DCDC1: variants seen among roughly 807,000 people sequenced by gnomAD.
DCDC1 encodes doublecortin domain-containing protein 1.
A neutral mutation model predicts 178.3 loss-of-function variants in DCDC1; 200 were observed. That is an observed-to-expected ratio of 1.12 (90% CI 1.00 to 1.26). The LOEUF is 1.26. Among genes scored for constraint, DCDC1 ranks in the 50% most tolerant of loss-of-function variants. The pLI is 0.00. For synonymous variants in DCDC1, 690 were observed against 604.8 expected (o/e 1.14, Z -2.07); for missense variants, 1,983 against 1,749.2 (o/e 1.13, Z -2.38).
intron 21 of DCDC1, chr11:30,943,632 G>A (rs984565611): frequency 1.3e-5 from 6 of 453,746 alleles, no homozygotes; most frequent in Non-Finnish European, 2.7e-5. Context: ...TTCCCCCATA[G>A]AGTGAGAAAA....
At chr11:31,208,533 G>A (rs570262744) in intron 9 of DCDC1, among the ~76,000 whole-genome samples, 9 of 152,158 alleles carry the variant, frequency 5.9e-5, no homozygotes, top group African/African-American at 9.6e-5. Flanking sequence ...CTCCACATAC[G>A]AGTCAGCATT....
chr11:31,314,108 T>C (rs1050207145), intron 3 of DCDC1, among the ~76,000 whole-genome samples: 3 of 152,228 alleles, frequency 2.0e-5, no homozygotes, highest in Non-Finnish European at 4.4e-5. Flanking sequence ...CCCTGGATGA[T>C]TTGATAGCCA....
intron 9 of DCDC1, among the ~76,000 whole-genome samples, chr11:31,221,648 T>G (rs997507003): frequency 1.3e-5 from 2 of 152,208 alleles, no homozygotes; most frequent in Non-Finnish European, 2.9e-5. Context: ...GTATCTCTGC[T>G]GGCATAACCC....
intron 36 of DCDC1, among the ~76,000 whole-genome samples, chr11:30,884,491 C>T (rs755973637): frequency 9.2e-5 from 14 of 151,948 alleles, no homozygotes; most frequent in Admixed American, 2.0e-4. Flanking sequence ...GAATTTAATA[C>T]GACTTCATTC....
chr11:30,895,274 C>A (rs576827948), intron 34 of DCDC1, among the ~76,000 whole-genome samples: 1 of 151,964 alleles, frequency 6.6e-6, no homozygotes, highest in Non-Finnish European at 1.5e-5. Flanking sequence ...CAAGTTTGGT[C>A]GGGAAGGCAG....
At chr11:30,902,279 T>G (rs937699282) in intron 32 of DCDC1, among the ~76,000 whole-genome samples, 1 of 151,678 alleles carries the variant, frequency 6.6e-6, no homozygotes, top group Non-Finnish European at 1.5e-5. Flanking sequence ...CCTTTGCCCT[T>G]TCTGTTTTCC....
At chr11:31,093,476 T>G (rs1254388282) in intron 16 of DCDC1, among the ~76,000 whole-genome samples, 1 of 152,180 alleles carries the variant, frequency 6.6e-6, no homozygotes, top group African/African-American at 2.4e-5. Context: ...CAAAATGTAC[T>G]GCAGTAGTAA....
intron 17 of DCDC1, among the ~76,000 whole-genome samples, chr11:31,088,427 A>C (rs1340697765): frequency 6.6e-6 from 1 of 151,170 alleles, no homozygotes; most frequent in East Asian, 1.9e-4. Context: ...TTAATATTTC[A>C]TTTTATTTAC....
intron 17 of DCDC1, among the ~76,000 whole-genome samples, chr11:31,088,138 C>A (rs1202042320): frequency 6.6e-6 from 1 of 151,860 alleles, no homozygotes; most frequent in East Asian, 1.9e-4. Context: ...TTCTTACTTT[C>A]TTTGTATTAA....
intron 20 of DCDC1, among the ~76,000 whole-genome samples, chr11:31,052,391 A>G (rs981658314): frequency 3.9e-5 from 6 of 152,158 alleles, no homozygotes; most frequent in African/African-American, 1.4e-4. Context: ...ATAGACCACA[A>G]CACAATAATA....
chr11:31,315,653 T>G (rs1404114130), intron 3 of DCDC1, among the ~76,000 whole-genome samples: 1 of 146,552 alleles, frequency 6.8e-6, no homozygotes, highest in Non-Finnish European at 1.5e-5. Context: ...TACCTTTTTT[T>G]TTTTTTTTTT....
At chr11:31,293,097 A>G (rs1947351264) in intron 6 of DCDC1, among the ~76,000 whole-genome samples, 1 of 152,202 alleles carries the variant, frequency 6.6e-6, no homozygotes, top group Non-Finnish European at 1.5e-5. Context: ...CAGGGATTAA[A>G]TATCTTATAT....
chr11:31,330,842 G>A (rs1949941521), intron 2 of DCDC1, among the ~76,000 whole-genome samples: 1 of 152,136 alleles, frequency 6.6e-6, no homozygotes, highest in South Asian at 2.1e-4. Context: ...AATGTCTCCA[G>A]CTTTGTTCTT....
intron 20 of DCDC1, among the ~76,000 whole-genome samples, chr11:31,045,250 C>T (rs976885354): frequency 6.6e-6 from 1 of 152,110 alleles, no homozygotes; most frequent in Non-Finnish European, 1.5e-5. Flanking sequence ...GAAAAAGACT[C>T]TCAAATTTAG....
At chr11:31,005,970 A>AAC (rs1951823299) in intron 20 of DCDC1, among the ~76,000 whole-genome samples, 1 of 149,428 alleles carries the variant, frequency 6.7e-6, no homozygotes, top group African/African-American at 2.5e-5. Flanking sequence ...AAAAAAAAAA[A>AAC]AAAAAAAACT....
rs1176460985 is a variant in DCDC1, at chr11:30,965,738, C to T, written c.2592-13170G>A. ...CTAGCATTAGGTATATCTCCCAATG[C>T]TATCCCTTCCCCCTCCCCCGACCCC... is the stretch of plus-strand genomic sequence containing the variant. On this transcript the variant is annotated intron_variant, in intron 20 of 38. Coordinates refer to ENST00000684477, the MANE Select transcript of DCDC1 (RefSeq NM_001387274.1). 6.4e-5 allele frequency among the ~76,000 whole-genome samples: 9 copies of T among 141,016 alleles called. No homozygotes were observed. In the South Asian group the frequency reaches 2.1e-3, roughly 33 times the overall value. 92.5% of individuals were successfully genotyped at this position (141,016 alleles called of 152,430 possible). A position where few individuals can be genotyped will look rare whatever the true frequency, so the allele number is the denominator to read the frequency against.
At chr11:30,914,652 A>AAGAG (rs1312839996) in intron 27 of DCDC1, among the ~76,000 whole-genome samples, 16 of 139,408 alleles carry the variant, frequency 1.1e-4, no homozygotes, top group African/African-American at 3.8e-4. Flanking sequence ...AAAAAAAAAA[A>AAGAG]AGAGAGAGAG....
chr11:31,048,438 T>C (rs1484158964), intron 20 of DCDC1, among the ~76,000 whole-genome samples: 1 of 152,206 alleles, frequency 6.6e-6, no homozygotes, highest in Admixed American at 6.5e-5. Context: ...CATCTGAATA[T>C]TGGCACATTG....
At chr11:31,035,550 A>G (rs1204496289) in intron 20 of DCDC1, among the ~76,000 whole-genome samples, 4 of 152,232 alleles carry the variant, frequency 2.6e-5, no homozygotes, top group African/African-American at 4.8e-5. Context: ...AGAGTACCAC[A>G]GAGCTGTGTG....
Sources: gnomAD v4.1 joint callset for allele counts (sites outside exome capture counted in the v4.1 genomes callset) on GRCh38, gnomAD v4.1.1 for gene constraint, MANE v1.5 for transcripts, NCBI Gene and HGNC (gene_info 2026-07-23, HGNC 2026-07-21) for gene names.